Variants in PAK3 observed in about 807,000 individuals in gnomAD.
PAK3 encodes serine/threonine-protein kinase PAK 3.
PAK3 carries 4 observed loss-of-function variants against 41.0 expected under a neutral mutation model. The ratio of observed to expected loss-of-function variants is 0.10; its 90% CI spans 0.05 to 0.22. PAK3 has a LOEUF of 0.22. PAK3 is among the 10% of genes least tolerant of loss of function. PAK3 has a pLI of 1.00. For missense variants in PAK3, 205 were observed against 409.9 expected (o/e 0.50, Z 4.32); for synonymous variants, 146 against 139.6 (o/e 1.05, Z -0.32).
chrX:111,022,620 GA>G (rs200443851), intron 1 of PAK3, among the ~76,000 whole-genome samples: 2 of 109,764 alleles, frequency 1.8e-5, no homozygotes, highest in Non-Finnish European at 1.9e-5. Flanking sequence ...ATAATACCAT[GA>G]AAAAAAACAA....
chrX:111,030,672 A>G (rs1382334483), intron 1 of PAK3, among the ~76,000 whole-genome samples: 1 of 111,158 alleles, frequency 9.0e-6, no homozygotes, highest in East Asian at 2.8e-4. Context: ...AAGGATGGCT[A>G]GACTATTGCT....
chrX:111,214,803 T>TATA (rs1157151505), intron 16 of PAK3, among the ~76,000 whole-genome samples: 1 of 110,991 alleles, frequency 9.0e-6, no homozygotes, highest in Non-Finnish European at 1.9e-5. Context: ...CAGAAATACC[T>TATA]ATAATAATAA....
At chrX:111,144,545 A>C (rs1275203319) in intron 6 of PAK3, among the ~76,000 whole-genome samples, 1 of 111,606 alleles carries the variant, frequency 9.0e-6, no homozygotes, top group Non-Finnish European at 1.9e-5. Flanking sequence ...TTGTCATAGC[A>C]CCACTAATTT....
At chrX:111,007,929 G>A (rs1405506162) in intron 1 of PAK3, among the ~76,000 whole-genome samples, 1 of 111,524 alleles carries the variant, frequency 9.0e-6, no homozygotes, top group African/African-American at 3.3e-5. Context: ...TTGTATCCTC[G>A]CTTTACCACT....
intron 8 of PAK3, among the ~76,000 whole-genome samples, chrX:111,155,656 C>A (rs58961727): frequency 1.8e-5 from 2 of 111,098 alleles, no homozygotes; most frequent in African/African-American, 6.5e-5. Context: ...TGTCTGGTAC[C>A]AAATAGATAC....
At chrX:111,018,674 G>T (rs1312868590) in intron 1 of PAK3, among the ~76,000 whole-genome samples, 2 of 111,540 alleles carry the variant, frequency 1.8e-5, no homozygotes, top group Non-Finnish European at 1.9e-5. Context: ...TACCCAAAGT[G>T]ATCTACAGAT....
chrX:111,043,493 C>T (rs1393343091), intron 1 of PAK3, among the ~76,000 whole-genome samples: 1 of 111,224 alleles, frequency 9.0e-6, no homozygotes, highest in African/African-American at 3.3e-5. Flanking sequence ...GCTGTTTGCT[C>T]TTTCTTTAGA....
intron 1 of PAK3, among the ~76,000 whole-genome samples, chrX:111,071,928 A>G (rs1046648918): frequency 1.8e-5 from 2 of 112,113 alleles, no homozygotes; most frequent in Admixed American, 1.9e-4. Context: ...GTGACAAATG[A>G]TATCACCAAG....
rs1427744565 is a variant in PAK3 at position 111,192,045 on chromosome X, A to G, written c.831-82A>G. ...TGAGTTTGCTAATTTTCCTCCCCTCAAAATAATTACATTTTATTTCAAGTA... is the reference window on the plus strand; with the variant it reads ...TGAGTTTGCTAATTTTCCTCCCCTCGAAATAATTACATTTTATTTCAAGTA... On this transcript the variant is annotated intron_variant, in intron 11 of 17. Coordinates refer to ENST00000372007, the MANE Select transcript of PAK3 (RefSeq NM_002578.5). The G allele has an allele frequency of 4.9e-6, 3 of 617,525 alleles. No individual in the cohort carries two copies. In the African/African-American group the frequency reaches 6.7e-5, roughly 14 times the overall value. 50.9% of individuals were successfully genotyped at this position (617,525 alleles called of 1,213,427 possible).
chrX:111,177,314 A>T (rs930339221), intron 11 of PAK3, among the ~76,000 whole-genome samples: 3 of 111,645 alleles, frequency 2.7e-5, no homozygotes, highest in Admixed American at 9.5e-5. Context: ...GGAAAACTAA[A>T]TTTTTTCTCC....
At chrX:111,066,857 A>G (rs2092705668) in intron 1 of PAK3, among the ~76,000 whole-genome samples, 1 of 112,358 alleles carries the variant, frequency 8.9e-6, no homozygotes, top group African/African-American at 3.2e-5. Flanking sequence ...ATATGAGAAA[A>G]TTGAAGCTGA....
At chrX:111,069,729 A>G (rs779295557) in intron 1 of PAK3, among the ~76,000 whole-genome samples, 3 of 110,027 alleles carry the variant, frequency 2.7e-5, no homozygotes, top group South Asian at 8.0e-4. Context: ...CTTTACTGAC[A>G]CCTCACACAT....
At chrX:111,036,172 C>T (rs1020156153) in intron 1 of PAK3, among the ~76,000 whole-genome samples, 2 of 111,773 alleles carry the variant, frequency 1.8e-5, no homozygotes, top group African/African-American at 6.5e-5. Flanking sequence ...TTACATGAGG[C>T]TAAGCTCAAC....
chrX:111,008,756 A>G (rs2091969163), intron 1 of PAK3, among the ~76,000 whole-genome samples: 1 of 112,482 alleles, frequency 8.9e-6, no homozygotes, highest in Non-Finnish European at 1.9e-5. Context: ...AGCTGGGTAC[A>G]TAGTGAGAGC....
chrX:111,179,414 T>C (rs913635452), intron 11 of PAK3, among the ~76,000 whole-genome samples: 3 of 111,324 alleles, frequency 2.7e-5, no homozygotes, highest in African/African-American at 9.8e-5. Context: ...ATCTACTATA[T>C]GACTTTTTAA....
chrX:110,984,415 G>T (rs968036849), intron 1 of PAK3, among the ~76,000 whole-genome samples: 2 of 111,836 alleles, frequency 1.8e-5, no homozygotes, highest in African/African-American at 3.3e-5. Flanking sequence ...AGCCCTGGGT[G>T]TCCCCTGAGT....
intron 1 of PAK3, among the ~76,000 whole-genome samples, chrX:110,949,700 G>A (rs2090701527): frequency 9.0e-6 from 1 of 111,185 alleles, no homozygotes; most frequent in Non-Finnish European, 1.9e-5. Context: ...CAGGGGACAG[G>A]GAGTAGAGTG....
At chrX:110,948,528 A>G (rs955770833) in intron 1 of PAK3, among the ~76,000 whole-genome samples, 3 of 112,115 alleles carry the variant, frequency 2.7e-5, no homozygotes, top group Non-Finnish European at 5.6e-5. Context: ...AGGAAATAGC[A>G]TTCATGTGAC....
chrX:111,119,897 T>A lies in PAK3; in HGVS notation c.-27-3180T>A, dbSNP rs144932040. ...GAGTTAAAATACCAAGGACCTCCTG[T>A]ACTATTCTTTCAACAGCAAAGCAGA... On this transcript the variant is annotated intron_variant, in intron 4 of 17. Transcript: ENST00000372007. Among the ~76,000 whole-genome samples, 3 of 112,372 alleles carry A rather than the reference T, an allele frequency of 2.7e-5. No homozygotes were observed. In the East Asian group the frequency reaches 8.4e-4, roughly 31 times the overall value.
Sources: gnomAD v4.1 joint callset for allele counts (sites outside exome capture counted in the v4.1 genomes callset) on GRCh38, gnomAD v4.1.1 for gene constraint, MANE v1.5 for transcripts, NCBI Gene and HGNC (gene_info 2026-07-23, HGNC 2026-07-21) for gene names.